Variants in ANO10 observed in about 807,000 individuals in gnomAD.
ANO10 encodes anoctamin 10, also known as anoctamin-10.
Under a neutral mutation model 74.7 loss-of-function variants are expected in ANO10, and 77 were observed. That is an observed-to-expected ratio of 1.03 (90% confidence interval 0.86 to 1.25). The LOEUF (loss-of-function observed/expected upper bound fraction) is 1.25, where lower values mean the gene tolerates loss of function less well. Among genes scored for constraint, ANO10 ranks in the 50% most tolerant of loss-of-function variants. The pLI is 0.00. For synonymous variants in ANO10, 279 were observed against 284.9 expected, an observed-to-expected ratio of 0.98 and a Z score of 0.21; for missense variants, 721 against 778.1, an observed-to-expected ratio of 0.93 and a Z score of 0.87.
rs578018492 is a variant in ANO10 at position 43,422,526 on chromosome 3, T to G, written c.1914+10085A>C. Among the ~76,000 whole-genome samples, 20 of 152,290 alleles carry G rather than the reference T, an allele frequency of 1.3e-4. No individual in the cohort carries two copies. In the South Asian group the frequency reaches 2.3e-3, roughly 17 times the overall value. On this transcript the variant is annotated intron_variant, in intron 12 of 12. Transcript: ENST00000292246. ...TACATTTGAATGACATCTGTGAAAA[T>G]GGTCCCAAGCACACAGCCATCACTT...
intron 1 of ANO10, among the ~76,000 whole-genome samples, chr3:43,677,478 T>C (rs959838581): frequency 6.6e-6 from 1 of 152,254 alleles, no homozygotes; most frequent in African/African-American, 2.4e-5. Flanking sequence ...GAGTTATCAA[T>C]GCATCGTGTG....
At chr3:43,567,226 T>C (rs1262136378) in intron 7 of ANO10, among the ~76,000 whole-genome samples, 1 of 152,062 alleles carries the variant, frequency 6.6e-6, no homozygotes, top group Non-Finnish European at 1.5e-5. Context: ...CTAAAAGTGA[T>C]GGGGAGAATG....
intron 11 of ANO10, among the ~76,000 whole-genome samples, chr3:43,456,433 G>C (rs1243053026): frequency 6.6e-6 from 1 of 152,212 alleles, no homozygotes; most frequent in Non-Finnish European, 1.5e-5. Context: ...ACACAACGCT[G>C]TGCATCCTTA....
chr3:43,684,893 G>A (rs1332680154), intron 1 of ANO10, among the ~76,000 whole-genome samples: 1 of 152,150 alleles, frequency 6.6e-6, no homozygotes, highest in African/African-American at 2.4e-5. Flanking sequence ...AGAACACATG[G>A]ATGCAGGAAG....
intron 1 of ANO10, among the ~76,000 whole-genome samples, chr3:43,615,945 G>A (rs377071213): frequency 3.3e-5 from 5 of 152,056 alleles, no homozygotes; most frequent in Admixed American, 6.5e-5. Context: ...GAGCCACCGC[G>A]CCCGGCTACC....
intron 12 of ANO10, among the ~76,000 whole-genome samples, chr3:43,410,362 T>G (rs967292037): frequency 6.6e-6 from 1 of 152,164 alleles, no homozygotes; most frequent in Non-Finnish European, 1.5e-5. Flanking sequence ...GAGATCCTCT[T>G]GCTTCAGCCT....
At chr3:43,450,027 C>T (rs1244396311) in intron 11 of ANO10, among the ~76,000 whole-genome samples, 4 of 152,096 alleles carry the variant, frequency 2.6e-5, no homozygotes, top group South Asian at 2.1e-4. Context: ...CTAAGTACTG[C>T]ATTTTTTTGG....
At chr3:43,432,974 T>TTTTTTG (rs2093011253) in intron 11 of ANO10, among the ~76,000 whole-genome samples, 1 of 135,526 alleles carries the variant, frequency 7.4e-6, no homozygotes, top group Non-Finnish European at 1.6e-5. Context: ...TTTTTTTTTT[T>TTTTTTG]GAGACCGAGT....
intron 1 of ANO10, among the ~76,000 whole-genome samples, chr3:43,687,039 TTGATGTTCA>T (rs2084284746): frequency 1.3e-5 from 2 of 151,862 alleles, no homozygotes; most frequent in African/African-American, 4.8e-5. Flanking sequence ...CTACAGCTGA[TTGATGTTCA>T]GGCCCTTCCC....
intron 11 of ANO10, among the ~76,000 whole-genome samples, chr3:43,440,021 A>G (rs964291918): frequency 3.3e-5 from 5 of 152,206 alleles, no homozygotes; most frequent in African/African-American, 9.6e-5. Context: ...TGATAACTAC[A>G]AAGAAAATAC....
intron 11 of ANO10, among the ~76,000 whole-genome samples, chr3:43,502,749 T>G (rs2077144316): frequency 6.6e-6 from 1 of 152,228 alleles, no homozygotes; most frequent in South Asian, 2.1e-4. Flanking sequence ...GGAATATTAT[T>G]CAGCCTTAAA....
intron 1 of ANO10, among the ~76,000 whole-genome samples, chr3:43,620,200 A>C (rs1342819340): frequency 6.6e-6 from 1 of 152,238 alleles, no homozygotes; most frequent in Non-Finnish European, 1.5e-5. Context: ...GAATGAATCC[A>C]CATGATGAAT....
chr3:43,495,491 A>C (rs1202673554), intron 11 of ANO10, among the ~76,000 whole-genome samples: 1 of 152,216 alleles, frequency 6.6e-6, no homozygotes, highest in Non-Finnish European at 1.5e-5. Flanking sequence ...GAGTTAATAT[A>C]CTTAAAATAC....
intron 11 of ANO10, among the ~76,000 whole-genome samples, chr3:43,479,104 AT>A (rs2076176306): frequency 6.6e-6 from 1 of 152,194 alleles, no homozygotes; most frequent in Non-Finnish European, 1.5e-5. Flanking sequence ...TGCATAGATT[AT>A]TGTGTTAATC....
intron 4 of ANO10, among the ~76,000 whole-genome samples, chr3:43,592,278 T>C (rs536493207): frequency 6.6e-6 from 1 of 152,326 alleles, no homozygotes; most frequent in East Asian, 1.9e-4. Context: ...GCTGGAGATC[T>C]GAGAACGGAC....
chr3:43,377,094 T>G (rs955997362), intron 12 of ANO10, among the ~76,000 whole-genome samples: 1 of 152,184 alleles, frequency 6.6e-6, no homozygotes, highest in Non-Finnish European at 1.5e-5. Flanking sequence ...AAATTACTTT[T>G]TTTTTGAGAC....
intron 11 of ANO10, among the ~76,000 whole-genome samples, chr3:43,469,163 C>T (rs2075754833): frequency 2.0e-5 from 3 of 151,642 alleles, no homozygotes; most frequent in Admixed American, 2.0e-4. Flanking sequence ...CTGCCTCAGC[C>T]TCCAGACTAG....
chr3:43,638,904 C>T (rs2083640936), intron 1 of ANO10: 1 of 152,254 alleles, frequency 6.6e-6, no homozygotes, highest in Admixed American at 6.5e-5. Context: ...GGTTCTGGCT[C>T]AGAATTGATC....
rs551646175 is a variant in ANO10 at position 43,400,969 on chromosome 3, C to T, written c.1914+31642G>A. ...CGTGTCAAGAACTTTTTTTCCCTTC[C>T]GTTAATCCTCTTTCATGATGGACTT... On this transcript the variant is annotated intron_variant, in intron 12 of 12. Transcript: ENST00000292246. Among the ~76,000 whole-genome samples the T allele has an allele frequency of 1.3e-3, 203 of 152,196 alleles. 1 individual carries two copies. Among genetic ancestry groups the T allele is most frequent in the African/African-American group, 4.1e-3 (172 of 41,506 alleles).
Sources: gnomAD v4.1 joint callset for allele counts (sites outside exome capture counted in the v4.1 genomes callset) on GRCh38, gnomAD v4.1.1 for gene constraint, MANE v1.5 for transcripts, NCBI Gene and HGNC (gene_info 2026-07-23, HGNC 2026-07-21) for gene names.